Variants in CEP85L observed in about 807,000 individuals in gnomAD.
CEP85L encodes centrosomal protein 85L.
A neutral mutation model predicts 100.3 loss-of-function variants in CEP85L; 60 were observed. The ratio of observed to expected loss-of-function variants is 0.60; its 90% CI spans 0.49 to 0.74. The LOEUF (loss-of-function observed/expected upper bound fraction) is 0.74. CEP85L is among the 30% of genes least tolerant of loss of function. CEP85L has a pLI of 0.00. For synonymous variants in CEP85L, 319 were observed against 322.7 expected, an observed-to-expected ratio of 0.99 and a Z score of 0.12; for missense variants, 973 against 936.2, an observed-to-expected ratio of 1.04 and a Z score of -0.51.
At chr6:118,688,377 C>T (rs536155753) in intron 1 of CEP85L, among the ~76,000 whole-genome samples, 28 of 152,256 alleles carry the variant, frequency 1.8e-4, no homozygotes, top group African/African-American at 6.7e-4. Context: ...CTCAGTGGGG[C>T]AGGTACTTTG....
intron 2 of CEP85L, among the ~76,000 whole-genome samples, chr6:118,627,198 C>CAAAA (rs56203910): frequency 1.4e-5 from 1 of 72,572 alleles, no homozygotes; most frequent in African/African-American, 5.5e-5. Flanking sequence ...GACTCCATCT[C>CAAAA]AAAAAAAAAA....
intron 2 of CEP85L, among the ~76,000 whole-genome samples, chr6:118,592,230 T>C (rs1455353130): frequency 6.6e-6 from 1 of 151,910 alleles, no homozygotes; most frequent in Admixed American, 6.6e-5. Context: ...CACCAATGGT[T>C]AAAGAACAGG....
At chr6:118,610,703 C>T (rs1019272310) in intron 2 of CEP85L, among the ~76,000 whole-genome samples, 1 of 151,518 alleles carries the variant, frequency 6.6e-6, no homozygotes, top group African/African-American at 2.4e-5. Context: ...AGAAATCCAC[C>T]GAAAGGCACA....
intron 5 of CEP85L, among the ~76,000 whole-genome samples, chr6:118,495,736 T>G (rs1435565083): frequency 6.6e-6 from 1 of 152,178 alleles, no homozygotes; most frequent in African/African-American, 2.4e-5. Flanking sequence ...TAGGAGACGC[T>G]GCAGTTCAAA....
At chr6:118,583,692 G>A (rs188844042) in intron 2 of CEP85L, among the ~76,000 whole-genome samples, 2 of 152,276 alleles carry the variant, frequency 1.3e-5, no homozygotes, top group African/African-American at 2.4e-5. Context: ...CCTAAGGCCA[G>A]TGGCTAGGAA....
intron 7 of CEP85L, among the ~76,000 whole-genome samples, 200 bp from the exon 8 acceptor site, chr6:118,482,133 A>C (rs1018378041): frequency 6.6e-6 from 1 of 152,128 alleles, no homozygotes; most frequent in African/African-American, 2.4e-5. Context: ...CAGAATTACA[A>C]GGAAGAGAAT....
chr6:118,511,653 T>C (rs1006095581), intron 4 of CEP85L, among the ~76,000 whole-genome samples: 1 of 152,220 alleles, frequency 6.6e-6, no homozygotes, highest in African/African-American at 2.4e-5. Flanking sequence ...GAGCTTTGTA[T>C]GCAGTATCTC....
Position 118,607,471 on chromosome 6 carries a change from T to C in CEP85L, c.232+24982A>G, listed in dbSNP as rs150521781. ...CTTTTAGGGAAGAAAAACCTCCCCA[T>C]GTCCTACGATCCTGTACATGCCTAA... On this transcript the variant is annotated intron_variant, in intron 2 of 12. Transcript: ENST00000368491. Among the ~76,000 whole-genome samples the C allele has an allele frequency of 2.6e-3, 391 of 152,210 alleles. 1 individual carries two copies. Among genetic ancestry groups the C allele is most frequent in the African/African-American group, 9.1e-3 (378 of 41,532 alleles).
intron 1 of CEP85L, among the ~76,000 whole-genome samples, chr6:118,632,927 T>G (rs60456335): frequency 0.011 from 1,693 of 152,300 alleles, 42 homozygotes; most frequent in African/African-American, 0.039. Flanking sequence ...AGTACTCTGC[T>G]CTAGAATAAT....
At chr6:118,708,727 C>T (rs1777679959) in intron 1 of CEP85L, among the ~76,000 whole-genome samples, 1 of 152,178 alleles carries the variant, frequency 6.6e-6, no homozygotes, top group African/African-American at 2.4e-5. Context: ...TCAATAATCT[C>T]ACCTATTTAA....
chr6:118,484,542 G>T (rs1352742390), intron 6 of CEP85L, among the ~76,000 whole-genome samples: 3 of 152,104 alleles, frequency 2.0e-5, no homozygotes, highest in Admixed American at 1.3e-4. Flanking sequence ...GAAACTATGT[G>T]TTGAGTTTAA....
chr6:118,468,521 T>C (rs1174393997), intron 12 of CEP85L, among the ~76,000 whole-genome samples: 2 of 152,056 alleles, frequency 1.3e-5, no homozygotes, highest in Admixed American at 6.5e-5. Flanking sequence ...CACAATTATG[T>C]GTGGAGGAAG....
intron 1 of CEP85L, chr6:118,664,474 A>C (rs113876056): frequency 4.1e-4 from 63 of 152,572 alleles, no homozygotes; most frequent in African/African-American, 1.4e-3. Flanking sequence ...TGCTTCACGA[A>C]GGAGGGACTA....
At chr6:118,573,216 C>T (rs936203521) in intron 2 of CEP85L, among the ~76,000 whole-genome samples, 17 of 152,124 alleles carry the variant, frequency 1.1e-4, no homozygotes, top group African/African-American at 3.6e-4. Flanking sequence ...ATTAATAAAA[C>T]AACTATCAAT....
intron 1 of CEP85L, among the ~76,000 whole-genome samples, chr6:118,639,112 T>C (rs961710248): frequency 2.6e-5 from 4 of 152,232 alleles, no homozygotes; most frequent in African/African-American, 9.6e-5. Context: ...TAGTATGTTT[T>C]AAAATCAACT....
chr6:118,571,313 C>G (rs1401412893), intron 2 of CEP85L, among the ~76,000 whole-genome samples: 2 of 152,138 alleles, frequency 1.3e-5, no homozygotes, highest in African/African-American at 2.4e-5. Context: ...TATCTGAAAC[C>G]AACAGAGGGT....
rs61023993 is a variant in CEP85L at position 118,606,013 on chromosome 6, CA to C, written c.232+26439del. Among the ~76,000 whole-genome samples, 666 of 101,974 alleles carry C rather than the reference CA, an allele frequency of 6.5e-3. 4 individuals are homozygous for C. Among genetic ancestry groups the C allele is most frequent in the African/African-American group, 0.022 (566 of 26,228 alleles). 66.9% of individuals were successfully genotyped at this position (101,974 alleles called of 152,430 possible). ...TGGGCAACAGAGCAAGACTCTGTCT[CA>C]AAAAAAAAAAAAAAAAAGTGGAAAG... On this transcript the variant is annotated intron_variant, in intron 2 of 12. Transcript: ENST00000368491.
intron 6 of CEP85L, among the ~76,000 whole-genome samples, chr6:118,491,239 ATATG>A (rs1774550470): frequency 8.1e-6 from 1 of 122,780 alleles, no homozygotes; most frequent in East Asian, 2.1e-4. Context: ...ACACACACAC[ATATG>A]CATGCATATC....
intron 2 of CEP85L, among the ~76,000 whole-genome samples, chr6:118,602,228 C>G (rs1781823769): frequency 6.6e-6 from 1 of 152,060 alleles, no homozygotes; most frequent in South Asian, 2.1e-4. Flanking sequence ...ATGGTAAGGT[C>G]CATTCATAAC....
Sources: allele counts gnomAD v4.1 joint callset (sites outside exome capture counted in the v4.1 genomes callset), GRCh38; gene constraint gnomAD v4.1.1; transcripts MANE v1.5; gene names NCBI Gene and HGNC (gene_info 2026-07-23, HGNC 2026-07-21).